The following MALRD1 variants were observed in gnomAD, a reference collection of about 807,000 sequenced individuals.
The protein encoded by MALRD1 is MAM and LDL receptor class A domain containing 1, also known as MAM and LDL-receptor class A domain-containing protein 1.
MALRD1 carries 247 observed loss-of-function variants against 242.1 expected under a neutral mutation model. That is an observed-to-expected ratio of 1.02 (90% confidence interval 0.92 to 1.13). The LOEUF is 1.13. Ranked by LOEUF, MALRD1 falls within the 50% of genes most tolerant of loss-of-function variation. The probability of loss-of-function intolerance (pLI) is 0.00; values close to 1 mark genes in which losing one functional copy is unlikely to be tolerated. For missense variants in MALRD1, 2,989 were observed against 2,533.1 expected (o/e 1.18, Z -3.86); for synonymous variants, 995 against 866.6 (o/e 1.15, Z -2.60).
intron 36 of MALRD1, among the ~76,000 whole-genome samples, chr10:19,657,105 C>T (rs1053116062): frequency 6.6e-6 from 1 of 152,118 alleles, no homozygotes; most frequent in Non-Finnish European, 1.5e-5. Context: ...TATCCTCATT[C>T]TCTCACAGTC....
At chr10:19,641,277 TATAG>T (rs1157146753) in intron 36 of MALRD1, among the ~76,000 whole-genome samples, 1 of 152,100 alleles carries the variant, frequency 6.6e-6, no homozygotes, top group African/African-American at 2.4e-5. Flanking sequence ...CTGAAGATAT[TATAG>T]ATAAACTGTC....
At chr10:19,245,380 A>G (rs892347911) in intron 18 of MALRD1, among the ~76,000 whole-genome samples, 6 of 152,164 alleles carry the variant, frequency 3.9e-5, no homozygotes, top group Admixed American at 2.6e-4. Flanking sequence ...TCAATAGACT[A>G]GGGAAAACAT....
chr10:19,096,399 T>C (rs1308738190), intron 4 of MALRD1, among the ~76,000 whole-genome samples: 4 of 152,216 alleles, frequency 2.6e-5, no homozygotes, highest in Non-Finnish European at 5.9e-5. Context: ...ATTAATTTTA[T>C]ATCCCAAAAT....
At chr10:19,238,483 TTATATATAATATATAATATAA>T in intron 18 of MALRD1, among the ~76,000 whole-genome samples, 1 of 17,808 alleles carries the variant, frequency 5.6e-5, no homozygotes, top group African/African-American at 4.9e-4. Flanking sequence ...ATAATATACA[TTATATATAATATATAATATAA>T]TATATAATGT....
rs76551926 is a variant in MALRD1, at chr10:19,347,850, C to A, written c.3981C>A (p.Asn1327Lys). The A allele has an allele frequency of 6.5e-7, 1 of 1,550,334 alleles. No individual in the cohort carries two copies. The highest frequency in any genetic ancestry group is 8.7e-7 in the Non-Finnish European group (1 of 1,146,814). Residue 1327 changes from asparagine to lysine, a missense_variant, in exon 25 of 40, where the codon AAC (asparagine) becomes AAA (lysine). Physicochemically the swap from Asn to Lys is moderately conservative, Grantham distance 94 (BLOSUM62 0). Coordinates refer to ENST00000454679, the MANE Select transcript of MALRD1 (RefSeq NM_001142308.3). ...AGAAAGATGAGGACTTTGACTGGAA[C>A]CTGAAAGCTAGCAGCATCCCTGCAG... ...KQEKDEDFDWNLKASSIPAAG... is the reference protein window; with the variant it reads ...KQEKDEDFDWKLKASSIPAAG...
intron 13 of MALRD1, among the ~76,000 whole-genome samples, chr10:19,171,429 CATAT>C (rs71387049): frequency 0.084 from 5,131 of 61,398 alleles, 302 homozygotes; most frequent in East Asian, 0.29. Flanking sequence ...ATTTTATATA[CATAT>C]ATATATATAT....
intron 21 of MALRD1, among the ~76,000 whole-genome samples, chr10:19,320,358 A>G (rs530515677): frequency 5.3e-5 from 8 of 152,128 alleles, no homozygotes; most frequent in African/African-American, 1.9e-4. Flanking sequence ...GCTGAGGATG[A>G]TGGTTTCCAC....
At chr10:19,140,526 G>GGTGTGTGTGT (rs778477235) in intron 10 of MALRD1, among the ~76,000 whole-genome samples, 11 of 111,596 alleles carry the variant, frequency 9.9e-5, no homozygotes, top group Admixed American at 4.0e-4. Flanking sequence ...AAACAAGTGG[G>GGTGTGTGTGT]GTGTGTGTGT....
chr10:19,345,842 A>G (rs1471547904), intron 24 of MALRD1, among the ~76,000 whole-genome samples: 2 of 151,978 alleles, frequency 1.3e-5, no homozygotes, highest in Non-Finnish European at 2.9e-5. Context: ...TCTTGCTCAG[A>G]GGTGTAATAA....
intron 21 of MALRD1, among the ~76,000 whole-genome samples, chr10:19,288,788 C>T (rs1841265012): frequency 6.6e-6 from 1 of 152,044 alleles, no homozygotes; most frequent in Non-Finnish European, 1.5e-5. Context: ...TATGCCCTTA[C>T]AGCCCTCTCC....
At chr10:19,720,802 T>C (rs1401843865) in intron 38 of MALRD1, among the ~76,000 whole-genome samples, 2 of 152,162 alleles carry the variant, frequency 1.3e-5, no homozygotes, top group African/African-American at 4.8e-5. Flanking sequence ...GAAAAAACAG[T>C]CTGTTCAAAC....
chr10:19,621,501 G>A (rs1367770080), intron 36 of MALRD1, among the ~76,000 whole-genome samples: 1 of 151,558 alleles, frequency 6.6e-6, no homozygotes, highest in Non-Finnish European at 1.5e-5. Context: ...AAATGTAAAT[G>A]TATTCAGAAA....
intron 39 of MALRD1, 89 bp downstream of exon 39, chr10:19,730,870 G>C: frequency 8.3e-7 from 1 of 1,210,518 alleles, no homozygotes; most frequent in Non-Finnish European, 1.2e-6. Context: ...AGTGTTGCTT[G>C]ATCATGTTTC....
chr10:19,489,697 G>T (rs1382731079), intron 29 of MALRD1, among the ~76,000 whole-genome samples: 1 of 152,118 alleles, frequency 6.6e-6, no homozygotes, highest in Non-Finnish European at 1.5e-5. Context: ...ATCGGTGGGG[G>T]TTAGTTTTTA....
At chr10:19,630,491 G>T (rs1468736951) in intron 36 of MALRD1, among the ~76,000 whole-genome samples, 1 of 152,062 alleles carries the variant, frequency 6.6e-6, no homozygotes, top group Non-Finnish European at 1.5e-5. Context: ...TTTTCATTCT[G>T]TAGATAAAAA....
At chr10:19,635,380 A>G (rs933447895) in intron 36 of MALRD1, among the ~76,000 whole-genome samples, 3 of 152,154 alleles carry the variant, frequency 2.0e-5, no homozygotes, top group African/African-American at 7.2e-5. Flanking sequence ...ACTTGAAGAA[A>G]TATAGTTCAT....
At chr10:19,258,529 C>A (rs1564508945) in intron 19 of MALRD1, among the ~76,000 whole-genome samples, 1 of 152,108 alleles carries the variant, frequency 6.6e-6, no homozygotes, top group East Asian at 1.9e-4. Context: ...ACAACATTCT[C>A]AATTGCCGAA....
intron 38 of MALRD1, chr10:19,711,249 C>G (rs919327187): frequency 9.2e-5 from 14 of 152,144 alleles, no homozygotes; most frequent in African/African-American, 3.4e-4. Context: ...TTCAAGCTCA[C>G]TAATGAATCA....
chr10:19,713,951 G>A (rs1021601708), intron 38 of MALRD1, among the ~76,000 whole-genome samples: 1 of 152,128 alleles, frequency 6.6e-6, no homozygotes, highest in Non-Finnish European at 1.5e-5. Flanking sequence ...TCGATGCCCC[G>A]CTGCCCAAAC....
Sources: allele counts gnomAD v4.1 joint callset (sites outside exome capture counted in the v4.1 genomes callset), GRCh38; gene constraint gnomAD v4.1.1; transcripts MANE v1.5; gene names NCBI Gene and HGNC (gene_info 2026-07-23, HGNC 2026-07-21).